UNC5D: variants seen among roughly 807,000 people sequenced by gnomAD.
UNC5D encodes the protein unc-5 netrin receptor D, also known as netrin receptor UNC5D.
Under a neutral mutation model 105.4 loss-of-function variants are expected in UNC5D, and 39 were observed. That is an observed-to-expected ratio of 0.37 (90% CI 0.29 to 0.48). UNC5D has a LOEUF of 0.48. UNC5D is among the 20% of genes least tolerant of loss of function. The pLI, the probability that UNC5D is intolerant of heterozygous loss-of-function variation, is 0.98. For missense variants in UNC5D, 991 were observed against 1,202.4 expected, an observed-to-expected ratio of 0.82 and a Z score of 2.60; for synonymous variants, 452 against 450.4, an observed-to-expected ratio of 1.00 and a Z score of -0.04.
chr8:35,458,826 G>C (rs1015166408), intron 1 of UNC5D, among the ~76,000 whole-genome samples: 15 of 152,290 alleles, frequency 9.8e-5, no homozygotes, highest in African/African-American at 3.6e-4. Context: ...AGAATCTCAT[G>C]AAAGGCTGGT....
intron 7 of UNC5D, among the ~76,000 whole-genome samples, chr8:35,692,270 A>G (rs1163728420): frequency 6.6e-6 from 1 of 152,204 alleles, no homozygotes; most frequent in Non-Finnish European, 1.5e-5. Flanking sequence ...TGTCTATTCA[A>G]TGATCTACTT....
At chr8:35,706,080 C>G (rs1375831148) in intron 8 of UNC5D, 119 bp downstream of exon 8, 2 of 610,598 alleles carry the variant, frequency 3.3e-6, no homozygotes, top group Non-Finnish European at 5.2e-6. Context: ...GCTTTCGAGG[C>G]CTCTCCTCAT....
At chr8:35,594,669 T>A (rs879202465) in intron 3 of UNC5D, among the ~76,000 whole-genome samples, 1 of 152,114 alleles carries the variant, frequency 6.6e-6, no homozygotes. Context: ...CACCTTTTTT[T>A]AATGAAGCGT....
chr8:35,511,295 A>C (rs1283126593), intron 1 of UNC5D, among the ~76,000 whole-genome samples: 3 of 152,096 alleles, frequency 2.0e-5, no homozygotes. Flanking sequence ...AATCATGTTA[A>C]TAATTCTGTG....
intron 1 of UNC5D, among the ~76,000 whole-genome samples, chr8:35,360,102 A>C (rs1801780132): frequency 1.3e-5 from 2 of 152,146 alleles, no homozygotes; most frequent in South Asian, 2.1e-4. Flanking sequence ...GCACTAGAAA[A>C]TTAGTTTCTT....
intron 4 of UNC5D, among the ~76,000 whole-genome samples, chr8:35,681,960 C>T (rs934231499): frequency 2.6e-5 from 4 of 151,676 alleles, no homozygotes; most frequent in Admixed American, 2.0e-4. Context: ...ATAGAAGAGA[C>T]GACCTTTTTT....
At chr8:35,278,583 T>C (rs1435700915) in intron 1 of UNC5D, among the ~76,000 whole-genome samples, 1 of 127,822 alleles carries the variant, frequency 7.8e-6, no homozygotes, top group African/African-American at 2.5e-5. Flanking sequence ...TGTAAATTTA[T>C]TTATTATTTA....
At chr8:35,273,353 T>C (rs1423180613) in intron 1 of UNC5D, among the ~76,000 whole-genome samples, 1 of 152,180 alleles carries the variant, frequency 6.6e-6, no homozygotes, top group East Asian at 1.9e-4. Flanking sequence ...CATAAATAAC[T>C]GTGAAGAAAT....
At chr8:35,249,596 AATAATAAAAT>A (rs1803553823) in intron 1 of UNC5D, among the ~76,000 whole-genome samples, 2 of 145,276 alleles carry the variant, frequency 1.4e-5, no homozygotes, top group Admixed American at 6.9e-5. Flanking sequence ...TAATAATAAT[AATAATAAAAT>A]AAATAAATAA....
chr8:35,600,608 T>C (rs1819799719), intron 4 of UNC5D, among the ~76,000 whole-genome samples: 1 of 152,212 alleles, frequency 6.6e-6, no homozygotes, highest in Non-Finnish European at 1.5e-5. Context: ...TTTTGAGAAG[T>C]GTCTGTTCAT....
chr8:35,664,651 T>C (rs762833920), intron 4 of UNC5D, among the ~76,000 whole-genome samples: 10 of 152,062 alleles, frequency 6.6e-5, no homozygotes, highest in Non-Finnish European at 2.9e-5. Context: ...AGTGCTGAGA[T>C]TACAGGTGTG....
intron 1 of UNC5D, among the ~76,000 whole-genome samples, chr8:35,370,778 A>C (rs1802386344): frequency 6.6e-6 from 1 of 152,240 alleles, no homozygotes; most frequent in Non-Finnish European, 1.5e-5. Context: ...TCTATCCTTC[A>C]TGGAAATGGG....
chr8:35,566,745 C>G (rs962568892), intron 2 of UNC5D, among the ~76,000 whole-genome samples: 1 of 152,144 alleles, frequency 6.6e-6, no homozygotes, highest in Non-Finnish European at 1.5e-5. Context: ...CGCATAGGTT[C>G]GAGACTTATC....
chr8:35,408,069 A>G (rs1804921925), intron 1 of UNC5D, among the ~76,000 whole-genome samples: 1 of 152,132 alleles, frequency 6.6e-6, no homozygotes, highest in Admixed American at 6.6e-5. Context: ...TCATTAGATC[A>G]TTTAAAATTA....
intron 1 of UNC5D, among the ~76,000 whole-genome samples, chr8:35,453,093 T>C (rs1318805884): frequency 2.6e-5 from 4 of 152,176 alleles, no homozygotes; most frequent in Non-Finnish European, 4.4e-5. Flanking sequence ...GCCTCTTTTT[T>C]GAATGCCCAA....
chr8:35,504,142 C>CA lies in UNC5D; in HGVS notation c.104-45149dup, dbSNP rs1812154504. ...TTAGAAGGACAGAGTGCCACATACT[C>CA]ACGGGGGTTTGATGAGAGTGAAGCA... On this transcript the variant is annotated intron_variant, in intron 1 of 16. Coordinates refer to ENST00000404895, the MANE Select transcript of UNC5D (RefSeq NM_080872.4). Among the ~76,000 whole-genome samples, 5 of 152,228 alleles carry CA rather than the reference C, an allele frequency of 3.3e-5. No individual in the cohort carries two copies. In the South Asian group the frequency reaches 1.0e-3, roughly 32 times the overall value.
chr8:35,454,485 C>T (rs1040069433), intron 1 of UNC5D, among the ~76,000 whole-genome samples: 2 of 152,158 alleles, frequency 1.3e-5, no homozygotes, highest in Non-Finnish European at 2.9e-5. Context: ...TCCTCCTCCT[C>T]TTTCCTGTAT....
intron 1 of UNC5D, among the ~76,000 whole-genome samples, chr8:35,379,499 T>G (rs918817815): frequency 1.3e-5 from 2 of 152,168 alleles, no homozygotes; most frequent in African/African-American, 2.4e-5. Flanking sequence ...GTCTGTTCCC[T>G]TTCTTCCATT....
intron 1 of UNC5D, among the ~76,000 whole-genome samples, chr8:35,410,708 T>G (rs1805108520): frequency 6.6e-6 from 1 of 152,074 alleles, no homozygotes; most frequent in Non-Finnish European, 1.5e-5. Context: ...TTTGAAAGTC[T>G]CATATCAATA....
Sources: gnomAD v4.1 joint callset for allele counts (sites outside exome capture counted in the v4.1 genomes callset) on GRCh38, gnomAD v4.1.1 for gene constraint, MANE v1.5 for transcripts, NCBI Gene and HGNC (gene_info 2026-07-23, HGNC 2026-07-21) for gene names.